The following SPIDR variants were observed in gnomAD, a reference collection of about 807,000 sequenced individuals.
SPIDR encodes scaffold protein involved in DNA repair.
A neutral mutation model predicts 104.6 loss-of-function variants in SPIDR; 93 were observed. The ratio of observed to expected loss-of-function variants is 0.89; its 90% CI spans 0.75 to 1.06. SPIDR has a LOEUF of 1.06. Among genes scored for constraint, SPIDR ranks in the 50% least tolerant of loss-of-function variants. The pLI is 0.00. For missense variants in SPIDR, 1,154 were observed against 1,111.2 expected (o/e 1.04, Z -0.55); for synonymous variants, 431 against 416.9 (o/e 1.03, Z -0.41).
chr8:47,523,845 A>G (rs1439868625), intron 8 of SPIDR, among the ~76,000 whole-genome samples: 1 of 152,214 alleles, frequency 6.6e-6, no homozygotes, highest in Non-Finnish European at 1.5e-5. Flanking sequence ...TTCTCTGGTG[A>G]TACAATTTTA....
chr8:47,524,363 A>C (rs566429586), intron 8 of SPIDR, among the ~76,000 whole-genome samples: 4 of 152,286 alleles, frequency 2.6e-5, no homozygotes, highest in African/African-American at 4.8e-5. Context: ...CTCTCCTCCC[A>C]TGTACATCCA....
At chr8:47,567,612 C>G (rs1468377591) in intron 8 of SPIDR, among the ~76,000 whole-genome samples, 1 of 151,950 alleles carries the variant, frequency 6.6e-6, no homozygotes, top group Non-Finnish European at 1.5e-5. Flanking sequence ...CATTCAGACT[C>G]CAAAAGCTCA....
chr8:47,673,837 C>T lies in SPIDR; in HGVS notation c.1581C>T (p.Phe527=), dbSNP rs145656124. The T allele has an allele frequency of 3.7e-6, 6 of 1,614,010 alleles. 1 individual carries two copies. Among genetic ancestry groups the T allele is most frequent in the African/African-American group, 2.7e-5 (2 of 74,974 alleles). Residue 527 remains phenylalanine, a synonymous_variant, in exon 11 of 20, where the codon TTC becomes TTT. Transcript: ENST00000297423. ...CLLVQDACGM[F]GEVHLEFTMS... ...TGGTACAAGATGCCTGTGGAATGTT[C>T]GGTGAAGTGCACTTGGAGTTCACCA...
chr8:47,675,536 T>C (rs962624842), intron 11 of SPIDR, among the ~76,000 whole-genome samples: 3 of 152,152 alleles, frequency 2.0e-5, no homozygotes, highest in Non-Finnish European at 4.4e-5. Context: ...AGAATATTCA[T>C]TGTAGGCCAG....
At chr8:47,388,680 A>G (rs1457701888) in intron 5 of SPIDR, among the ~76,000 whole-genome samples, 1 of 152,220 alleles carries the variant, frequency 6.6e-6, no homozygotes, top group East Asian at 1.9e-4. Context: ...CTTATCCTAG[A>G]CACATGGCCA....
At chr8:47,401,782 A>T (rs1554663095) in intron 6 of SPIDR, among the ~76,000 whole-genome samples, 1 of 152,234 alleles carries the variant, frequency 6.6e-6, no homozygotes, top group Admixed American at 6.5e-5. Flanking sequence ...AAGAAGAGCT[A>T]ACTATCCTAA....
intron 8 of SPIDR, among the ~76,000 whole-genome samples, chr8:47,473,456 C>T (rs556200248): frequency 6.6e-6 from 1 of 152,294 alleles, no homozygotes; most frequent in African/African-American, 2.4e-5. Flanking sequence ...TTTGTGGGCT[C>T]TGTGAATTCT....
At chr8:47,726,996 A>G (rs575041847) in intron 16 of SPIDR, among the ~76,000 whole-genome samples, 5 of 152,344 alleles carry the variant, frequency 3.3e-5, no homozygotes, top group African/African-American at 1.2e-4. Flanking sequence ...ATATGCAGGC[A>G]AGTTTTAAAA....
intron 16 of SPIDR, among the ~76,000 whole-genome samples, chr8:47,718,124 G>A (rs147025328): frequency 3.7e-3 from 563 of 152,290 alleles, no homozygotes; most frequent in African/African-American, 0.012. Context: ...GCTTGTAGCC[G>A]GGATCTGTGC....
At chr8:47,448,482 T>C (rs2071100579) in intron 8 of SPIDR, among the ~76,000 whole-genome samples, 2 of 152,208 alleles carry the variant, frequency 1.3e-5, no homozygotes, top group South Asian at 4.1e-4. Flanking sequence ...TCAAATTGTT[T>C]CTGCCCTTAA....
At chr8:47,352,802 G>A (rs1167117635) in intron 5 of SPIDR, among the ~76,000 whole-genome samples, 4 of 151,972 alleles carry the variant, frequency 2.6e-5, no homozygotes, top group East Asian at 3.9e-4. Context: ...GGTGGCTCAC[G>A]CCTGTAATCT....
chr8:47,415,071 T>A (rs541777943), intron 7 of SPIDR, among the ~76,000 whole-genome samples: 19 of 152,092 alleles, frequency 1.2e-4, no homozygotes, highest in African/African-American at 4.6e-4. Context: ...GCCTGGCTAA[T>A]TTTTTGTATT....
At chr8:47,511,829 T>TCTG (rs2082375898) in intron 8 of SPIDR, 1 of 909,658 alleles carries the variant, frequency 1.1e-6, no homozygotes, top group African/African-American at 1.6e-5. Flanking sequence ...GGGCCAACAA[T>TCTG]CTGCTGTCCA....
chr8:47,325,671 T>A (rs1437449464), intron 5 of SPIDR, among the ~76,000 whole-genome samples: 1 of 152,196 alleles, frequency 6.6e-6, no homozygotes, highest in Non-Finnish European at 1.5e-5. Flanking sequence ...TCTATCCCTT[T>A]TTCTGTCCCT....
At chr8:47,269,302 G>A (rs1470264684) in intron 1 of SPIDR, among the ~76,000 whole-genome samples, 2 of 151,596 alleles carry the variant, frequency 1.3e-5, no homozygotes, top group Non-Finnish European at 2.9e-5. Context: ...CTGTCACCCA[G>A]GCTGGAGTGC....
intron 7 of SPIDR, among the ~76,000 whole-genome samples, chr8:47,415,597 C>T (rs1296406619): frequency 6.6e-6 from 1 of 152,066 alleles, no homozygotes; most frequent in Non-Finnish European, 1.5e-5. Context: ...TTAGAAGAGA[C>T]CGTAGAGAGC....
intron 10 of SPIDR, among the ~76,000 whole-genome samples, chr8:47,668,941 C>T (rs984904585): frequency 2.6e-5 from 4 of 151,934 alleles, no homozygotes; most frequent in Non-Finnish European, 4.4e-5. Context: ...AAAAATTGAC[C>T]TAAGTACCCC....
intron 11 of SPIDR, among the ~76,000 whole-genome samples, chr8:47,681,824 T>C (rs986483332): frequency 2.0e-5 from 3 of 152,174 alleles, no homozygotes; most frequent in African/African-American, 7.2e-5. Flanking sequence ...AGTTGAAAAG[T>C]TGAATCTTTA....
At chr8:47,663,178 C>G (rs1019313578) in intron 10 of SPIDR, among the ~76,000 whole-genome samples, 13 of 152,336 alleles carry the variant, frequency 8.5e-5, no homozygotes, top group African/African-American at 3.1e-4. Context: ...TAACTGGTTG[C>G]TTCTCTCTCT....
Sources: gnomAD v4.1 joint callset for allele counts (sites outside exome capture counted in the v4.1 genomes callset) on GRCh38, gnomAD v4.1.1 for gene constraint, MANE v1.5 for transcripts, NCBI Gene and HGNC (gene_info 2026-07-23, HGNC 2026-07-21) for gene names.